The following DLGAP4 variants were observed in gnomAD, a reference collection of about 807,000 sequenced individuals.
DLGAP4 encodes DLG associated protein 4.
In DLGAP4, 18 loss-of-function variants were observed where a neutral mutation model predicts 86.9. That is an observed-to-expected ratio of 0.21 (90% CI 0.14 to 0.31). The LOEUF (loss-of-function observed/expected upper bound fraction) is 0.31. DLGAP4 is among the 10% of genes least tolerant of loss of function. The probability of loss-of-function intolerance (pLI) is 1.00; values close to 1 mark genes in which losing one functional copy is unlikely to be tolerated. For synonymous variants in DLGAP4, 548 were observed against 574.3 expected, an observed-to-expected ratio of 0.95 and a Z score of 0.65; for missense variants, 1,085 against 1,362.6, an observed-to-expected ratio of 0.80 and a Z score of 3.21.
rs1406723305 is a variant in DLGAP4, at chr20:36,419,336, G to GAA, written c.-72-12310_-72-12309insAA. Among the ~76,000 whole-genome samples, 668 of 151,920 alleles carry GAA rather than the reference G, an allele frequency of 4.4e-3. 7 individuals are homozygous for GAA. The highest frequency in any genetic ancestry group is 0.016 in the African/African-American group (642 of 41,412). On this transcript the variant is annotated intron_variant, in intron 2 of 12. Transcript: ENST00000339266. ...GTAGAGATGGGGTCCTCGTTATGTT[G>GAA]CCCAGGCTGGTTTTGAACTCCTGGC... is the stretch of plus-strand genomic sequence containing the variant.
chr20:36,480,759 A>T (rs1330957062), intron 7 of DLGAP4, among the ~76,000 whole-genome samples: 1 of 152,094 alleles, frequency 6.6e-6, no homozygotes, highest in East Asian at 1.9e-4. Context: ...TAATCCCAGC[A>T]CTTCAGGAGG....
At chr20:36,370,661 T>C (rs1172422007) in intron 2 of DLGAP4, among the ~76,000 whole-genome samples, 2 of 150,032 alleles carry the variant, frequency 1.3e-5, no homozygotes, top group South Asian at 2.1e-4. Flanking sequence ...CCAAAAAAAT[T>C]AAAAAAAAAT....
intron 7 of DLGAP4, among the ~76,000 whole-genome samples, chr20:36,448,351 A>AAAT (rs1399764287): frequency 6.6e-6 from 1 of 152,228 alleles, no homozygotes; most frequent in African/African-American, 2.4e-5. Context: ...CCTTGTCTCA[A>AAAT]AATAATAATA....
At position 36,350,830 on chromosome 20, in the gene DLGAP4, T is replaced by G. The variant is rs188724173; in HGVS notation, c.-303-16215T>G. Among the ~76,000 whole-genome samples, 2 of 152,330 alleles carry G rather than the reference T, an allele frequency of 1.3e-5. No individual in the cohort carries two copies. Among genetic ancestry groups the G allele is most frequent in the Non-Finnish European group, 2.9e-5 (2 of 68,014 alleles). Reference sequence around the variant, plus strand: ...GCCTGACTCCTTCCCCAGTGGGCTGTGGGCCTCTGCTGCCCCAGAGGCTGC... The same window carrying G: ...GCCTGACTCCTTCCCCAGTGGGCTGGGGGCCTCTGCTGCCCCAGAGGCTGC... On this transcript the variant is annotated intron_variant, in intron 1 of 12. Transcript: ENST00000339266. This position sits in a 1 kb window ranked among gnomAD's most constrained non-coding sequence, Gnocchi z 4.4.
At position 36,499,574 on chromosome 20, in the gene DLGAP4, T is replaced by C; in HGVS notation, c.2011-14T>C. ...TTTGTCTCCGTGCCGTTGCTGTCGT[T>C]GTCCTTCAATAAGGTTGACTGCATT... is the stretch of plus-strand genomic sequence containing the variant. On this transcript the variant is annotated splice_polypyrimidine_tract_variant and intron_variant, in intron 8 of 12. Coordinates refer to ENST00000339266, the MANE Select transcript of DLGAP4 (RefSeq NM_001365621.2). 2 of 1,613,402 alleles carry C rather than the reference T, an allele frequency of 1.2e-6. No homozygotes were observed. The highest frequency in any genetic ancestry group is 1.7e-6 in the Non-Finnish European group (2 of 1,179,574).
chr20:36,357,717 G>C (rs920954003), intron 1 of DLGAP4, among the ~76,000 whole-genome samples: 1 of 152,238 alleles, frequency 6.6e-6, no homozygotes. Context: ...AAGAAAAGTA[G>C]GGCAGGTGAG....
At chr20:36,335,965 C>T (rs781814473) in intron 1 of DLGAP4, among the ~76,000 whole-genome samples, 2 of 152,140 alleles carry the variant, frequency 1.3e-5, no homozygotes, top group Non-Finnish European at 2.9e-5. Flanking sequence ...GGAATATTGT[C>T]GAGTGAAGGA....
chr20:36,401,872 A>G (rs144390793), intron 2 of DLGAP4, among the ~76,000 whole-genome samples: 1 of 152,332 alleles, frequency 6.6e-6, no homozygotes, highest in African/African-American at 2.4e-5. Flanking sequence ...CGGGAAAAGT[A>G]TTCTAGAAAG....
rs772869949 is a variant in DLGAP4 at position 36,436,105 on chromosome 20, C to T, written c.1000-4C>T. ...CCCCACTGAGTCCTGTGCCCCATCC[C>T]CAGGTGCCCGGCGGCGGCGGCGAGT... is the stretch of plus-strand genomic sequence containing the variant. On this transcript the variant is annotated splice_polypyrimidine_tract_variant and splice_region_variant and intron_variant, in intron 3 of 12. Coordinates refer to ENST00000339266, the MANE Select transcript of DLGAP4 (RefSeq NM_001365621.2). The T allele has an allele frequency of 1.9e-6, 3 of 1,567,206 alleles. No homozygotes were observed. The African/African-American group carries it at 4.1e-5, about 21-fold the overall frequency.
At chr20:36,526,080 C>A in intron 12 of DLGAP4, 74 bp downstream of exon 12, 1 of 1,604,034 alleles carries the variant, frequency 6.2e-7, no homozygotes, top group Non-Finnish European at 8.5e-7. Context: ...CCACATCGGT[C>A]AGTGCTGCTT....
Position 36,497,048 on chromosome 20 carries a change from G to A in DLGAP4, c.1992G>A (p.Leu664=). Residue 664 remains leucine, a synonymous_variant, in exon 8 of 13, where the codon CTG becomes CTA. Coordinates refer to ENST00000339266, the MANE Select transcript of DLGAP4 (RefSeq NM_001365621.2). ...CCGAGGCCGCCCCCAAAAGGAAACT[G>A]TCATCGATAGGAATACAAGTAGGGG... ...SHPEAAPKRK[L]SSIGIQVDCI... 1 of 1,605,128 alleles carries A rather than the reference G, an allele frequency of 6.2e-7. No homozygotes were observed. The highest frequency in any genetic ancestry group is 8.5e-7 in the Non-Finnish European group (1 of 1,174,422).
intron 7 of DLGAP4, chr20:36,473,132 C>T (rs2147671473): frequency 6.6e-6 from 1 of 152,352 alleles, no homozygotes; most frequent in African/African-American, 2.4e-5. Flanking sequence ...ATCCTGGCTT[C>T]CCAAACCCAG....
intron 12 of DLGAP4, 88 bp from the exon 13 acceptor site, chr20:36,526,725 C>T (rs2037792358): frequency 2.3e-6 from 3 of 1,296,532 alleles, no homozygotes; most frequent in Non-Finnish European, 3.1e-6. Flanking sequence ...GGTGGAGACT[C>T]CAGCTGCCGG....
chr20:36,494,092 C>G (rs2035780807), intron 7 of DLGAP4, among the ~76,000 whole-genome samples: 1 of 152,214 alleles, frequency 6.6e-6, no homozygotes, highest in Non-Finnish European at 1.5e-5. Context: ...CTGTACACTG[C>G]TCTTAGGTTG....
At chr20:36,344,891 A>G (rs2029891391) in intron 1 of DLGAP4, among the ~76,000 whole-genome samples, 2 of 152,336 alleles carry the variant, frequency 1.3e-5, no homozygotes, top group African/African-American at 4.8e-5. Flanking sequence ...CACTGGACCC[A>G]GAGGCTCTTT....
chr20:36,449,962 G>T (rs2147585940), intron 7 of DLGAP4, among the ~76,000 whole-genome samples: 1 of 152,326 alleles, frequency 6.6e-6, no homozygotes, highest in Non-Finnish European at 1.5e-5. Flanking sequence ...GAGTCCTCCT[G>T]GGATCAGTGG....
Position 36,524,700 on chromosome 20 carries a change from C to T in DLGAP4, c.2604+359C>T, listed in dbSNP as rs576601832. Among the ~76,000 whole-genome samples, 101 of 151,694 alleles carry T rather than the reference C, an allele frequency of 6.7e-4. 1 individual carries two copies. Among genetic ancestry groups the T allele is most frequent in the African/African-American group, 2.0e-3 (84 of 41,320 alleles). On this transcript the variant is annotated intron_variant, in intron 11 of 12. Transcript: ENST00000339266. ...GGTGGATCACCTGAGGTCCGGAGTT[C>T]GAGACCAGCCTGACCAACATGGAGA...
At chr20:36,353,471 C>A (rs1435674931) in intron 1 of DLGAP4, among the ~76,000 whole-genome samples, 1 of 152,220 alleles carries the variant, frequency 6.6e-6, no homozygotes, top group Non-Finnish European at 1.5e-5. Context: ...TCTCCCCAGC[C>A]CTGGGGCCTT....
intron 1 of DLGAP4, among the ~76,000 whole-genome samples, chr20:36,353,323 G>A (rs1401230083): frequency 6.6e-6 from 1 of 152,170 alleles, no homozygotes; most frequent in African/African-American, 2.4e-5. Flanking sequence ...CTGAGAGGGG[G>A]CGGCTCTGGC....
Sources: allele counts gnomAD v4.1 joint callset (sites outside exome capture counted in the v4.1 genomes callset), GRCh38; gene constraint gnomAD v4.1.1; non-coding constraint Gnocchi (gnomAD v3.1); transcripts MANE v1.5; gene names NCBI Gene and HGNC (gene_info 2026-07-23, HGNC 2026-07-21).